IKZF1: variants seen among roughly 807,000 people sequenced by gnomAD.
The protein encoded by IKZF1 is IKAROS family zinc finger 1, also known as DNA-binding protein Ikaros.
In IKZF1, 10 loss-of-function variants were observed where a neutral mutation model predicts 51.7. The observed-to-expected ratio is 0.19, with a 90% CI of 0.12 to 0.33. The LOEUF is 0.33. IKZF1 is among the 10% of genes least tolerant of loss of function. The probability of loss-of-function intolerance (pLI) is 1.00; values close to 1 mark genes in which losing one functional copy is unlikely to be tolerated. For missense variants in IKZF1, 484 were observed against 707.5 expected (o/e 0.68, Z 3.58); for synonymous variants, 280 against 282.3 (o/e 0.99, Z 0.08).
At chr7:50,351,896 T>C (rs1030801381) in intron 3 of IKZF1, among the ~76,000 whole-genome samples, 1 of 152,092 alleles carries the variant, frequency 6.6e-6, no homozygotes, top group African/African-American at 2.4e-5. Flanking sequence ...TTTAAAGACT[T>C]TCTTGAAAAC....
At chr7:50,352,136 T>A (rs768117644) in intron 3 of IKZF1, among the ~76,000 whole-genome samples, 1 of 152,248 alleles carries the variant, frequency 6.6e-6, no homozygotes, top group African/African-American at 2.4e-5. Flanking sequence ...AGATTTCAAC[T>A]GTGTAGTGCT....
At chr7:50,339,795 A>G (rs1798652471) in intron 3 of IKZF1, among the ~76,000 whole-genome samples, 1 of 152,002 alleles carries the variant, frequency 6.6e-6, no homozygotes, top group Non-Finnish European at 1.5e-5. Context: ...TGTCTTATTT[A>G]TGAGCTATTA....
chr7:50,317,816 A>G (rs1791977278), intron 1 of IKZF1, among the ~76,000 whole-genome samples: 1 of 152,208 alleles, frequency 6.6e-6, no homozygotes. Context: ...CTACCCTCAC[A>G]GTTTTCAGCC....
chr7:50,392,315 C>G (rs1815341415), intron 7 of IKZF1, among the ~76,000 whole-genome samples: 1 of 152,198 alleles, frequency 6.6e-6, no homozygotes, highest in South Asian at 2.1e-4. Context: ...CATACAGTGA[C>G]TGACCCCTGA....
intron 7 of IKZF1, 136 bp downstream of exon 7, chr7:50,391,999 T>C (rs1815231413): frequency 8.1e-7 from 1 of 1,234,014 alleles, no homozygotes. Context: ...AGCTTAACAT[T>C]CCTTAAATAT....
chr7:50,327,524 C>A, intron 2 of IKZF1, 114 bp from the exon 3 acceptor site: 1 of 1,283,746 alleles, frequency 7.8e-7, no homozygotes, highest in Non-Finnish European at 1.0e-6. Context: ...CAGAGAAGCA[C>A]TGGCTCCACC....
At position 50,323,435 on chromosome 7, in the gene IKZF1, G is replaced by A. The variant is rs79348568; in HGVS notation, c.41-4203G>A. On this transcript the variant is annotated intron_variant, in intron 2 of 7. Coordinates refer to ENST00000331340, the MANE Select transcript of IKZF1 (RefSeq NM_006060.6). Reference sequence around the variant, plus strand: ...AAAACCTCATGCATTTAGGAGAGGCGGGATGACAGAACTTTGTTGAGTGAA... The same window carrying A: ...AAAACCTCATGCATTTAGGAGAGGCAGGATGACAGAACTTTGTTGAGTGAA... Among the ~76,000 whole-genome samples the A allele has an allele frequency of 5.9e-4, 90 of 152,286 alleles. 1 individual carries two copies. In the East Asian group the frequency reaches 0.014, roughly 24 times the overall value.
chr7:50,391,953 A>G (rs898045121), intron 7 of IKZF1, 90 bp downstream of exon 7: 10 of 1,424,146 alleles, frequency 7.0e-6, no homozygotes, highest in South Asian at 1.5e-5. Context: ...GAAGAAAGGG[A>G]AAAAAATCTT....
rs1261348764 is a variant in IKZF1 at position 50,404,607 on chromosome 7, C to T, written c.*3980C>T. ...ACATGTGGTGTCTTGATGTGGCCAG[C>T]GCAGCAGTTCAGCACAACGTACCTC... On this transcript the variant is annotated 3_prime_UTR_variant, in exon 8 of 8. Transcript: ENST00000331340. 2 of 228,660 alleles carry T rather than the reference C, an allele frequency of 8.7e-6. No homozygotes were observed. The highest frequency in any genetic ancestry group is 6.2e-5 in the East Asian group (1 of 16,160). 14.2% of individuals were successfully genotyped at this position (228,660 alleles called of 1,614,324 possible).
rs1175382036 is a variant in IKZF1 at position 50,341,413 on chromosome 7, G to C, written c.160+13656G>C. ...CTGCCTCAGCCTCCCAAAGTGCTGGGATTACAGATGTGAGGCACCGTATCC... is the reference window on the plus strand; with the variant it reads ...CTGCCTCAGCCTCCCAAAGTGCTGGCATTACAGATGTGAGGCACCGTATCC... On this transcript the variant is annotated intron_variant, in intron 3 of 7. Coordinates refer to ENST00000331340, the MANE Select transcript of IKZF1 (RefSeq NM_006060.6). 8.5e-5 allele frequency among the ~76,000 whole-genome samples: 13 copies of C among 152,280 alleles called. No homozygotes were observed. The East Asian group carries it at 2.3e-3, about 27-fold the overall frequency.
At chr7:50,338,024 G>T (rs1293967835) in intron 3 of IKZF1, among the ~76,000 whole-genome samples, 1 of 152,042 alleles carries the variant, frequency 6.6e-6, no homozygotes, top group African/African-American at 2.4e-5. Flanking sequence ...GGCAATCTTT[G>T]GCAGATTTGT....
intron 3 of IKZF1, among the ~76,000 whole-genome samples, chr7:50,360,264 G>T (rs546302140): frequency 1.3e-5 from 2 of 152,142 alleles, no homozygotes; most frequent in South Asian, 4.2e-4. Flanking sequence ...CTGACACCCT[G>T]CCAGCCCTGG....
chr7:50,327,064 C>A (rs1000114122), intron 2 of IKZF1, among the ~76,000 whole-genome samples: 9 of 152,010 alleles, frequency 5.9e-5, no homozygotes, highest in African/African-American at 9.7e-5. Flanking sequence ...ATAGGAAGAA[C>A]CTTAAAAATA....
At chr7:50,347,959 G>C (rs1055450772) in intron 3 of IKZF1, among the ~76,000 whole-genome samples, 1 of 152,132 alleles carries the variant, frequency 6.6e-6, no homozygotes, top group Admixed American at 6.5e-5. Flanking sequence ...CCATTTCCCC[G>C]ACTCATACCA....
rs540072975 is a variant in IKZF1 at position 50,361,314 on chromosome 7, C to A, written c.161-15219C>A. Among the ~76,000 whole-genome samples, 8 of 152,316 alleles carry A rather than the reference C, an allele frequency of 5.3e-5. 1 individual carries two copies. The South Asian group carries it at 1.7e-3, about 32-fold the overall frequency. On this transcript the variant is annotated intron_variant, in intron 3 of 7. Coordinates refer to ENST00000331340, the MANE Select transcript of IKZF1 (RefSeq NM_006060.6). ...TTCTAGAGGTGCCATCATAGTGCTT[C>A]TGTCTACTCAGTGTCTTTAGAATCA...
At chr7:50,317,606 C>T (rs375306066) in intron 1 of IKZF1, among the ~76,000 whole-genome samples, 5 of 152,144 alleles carry the variant, frequency 3.3e-5, no homozygotes, top group African/African-American at 1.2e-4. Context: ...AGCTGTACTC[C>T]TAAGCCACAC....
chr7:50,374,012 G>A (rs935633238), intron 3 of IKZF1, among the ~76,000 whole-genome samples: 1 of 152,178 alleles, frequency 6.6e-6, no homozygotes, highest in Non-Finnish European at 1.5e-5. Flanking sequence ...GGATTTCTCA[G>A]GACAATCCTG....
At chr7:50,338,941 C>T (rs1798410616) in intron 3 of IKZF1, among the ~76,000 whole-genome samples, 1 of 152,326 alleles carries the variant, frequency 6.6e-6, no homozygotes, top group African/African-American at 2.4e-5. Context: ...ATAGGGAACT[C>T]AGAAAGCATG....
At chr7:50,348,696 A>C (rs1801018045) in intron 3 of IKZF1, among the ~76,000 whole-genome samples, 1 of 152,254 alleles carries the variant, frequency 6.6e-6, no homozygotes, top group South Asian at 2.1e-4. Context: ...ATAGTAAAAA[A>C]TAAACAAACA....
Sources: gnomAD v4.1 joint callset for allele counts (sites outside exome capture counted in the v4.1 genomes callset) on GRCh38, gnomAD v4.1.1 for gene constraint, MANE v1.5 for transcripts, NCBI Gene and HGNC (gene_info 2026-07-23, HGNC 2026-07-21) for gene names.